Variants in SCARB1 observed in about 807,000 individuals in gnomAD.
The protein encoded by SCARB1 is scavenger receptor class B member 1.
SCARB1 carries 30 observed loss-of-function variants against 57.2 expected under a neutral mutation model. The ratio of observed to expected loss-of-function variants is 0.52; its 90% CI spans 0.39 to 0.71. SCARB1 has a LOEUF of 0.71. Ranked by LOEUF, SCARB1 falls within the 30% of genes least tolerant of loss-of-function variation. SCARB1 has a pLI of 0.00. For missense variants in SCARB1, 543 were observed against 671.2 expected, an observed-to-expected ratio of 0.81 and a Z score of 2.11; for synonymous variants, 249 against 268.3, an observed-to-expected ratio of 0.93 and a Z score of 0.70.
chr12:124,840,137 T>A, intron 1 of SCARB1: 2 of 1,183,064 alleles, frequency 1.7e-6, no homozygotes, highest in South Asian at 1.4e-5. Flanking sequence ...TCCCTAACGA[T>A]GAGCGAGTGT....
rs745812266 is a variant in SCARB1, at chr12:124,814,990, G to A, written c.409C>T (p.Pro137Ser). The change falls in exon 3 of 13, where the codon CCC becomes TCC. Residue 137 changes from proline (P) to serine (S), a missense_variant. By Grantham distance (74) the Pro-to-Ser change is moderately conservative. Transcript: ENST00000261693. This position sits in a 1 kb window ranked among gnomAD's most constrained non-coding sequence, Gnocchi z 4.7. ...HGSESDYIVM[P>S]NILVLGAAVM... is the part of the protein sequence containing the mutation. Reference sequence around the variant, plus strand: ...AGCCTCACCAAGACCAGGATGTTGGGCATGACGATGTAGTCGCTCTCCGAG... The same window carrying A: ...AGCCTCACCAAGACCAGGATGTTGGACATGACGATGTAGTCGCTCTCCGAG... The A allele has an allele frequency of 1.7e-5, 28 of 1,614,194 alleles. No individual in the cohort carries two copies. The highest frequency in any genetic ancestry group is 2.2e-5 in the Non-Finnish European group (26 of 1,180,032).
chr12:124,835,311 T>C (rs1449277057), intron 1 of SCARB1, among the ~76,000 whole-genome samples: 2 of 151,784 alleles, frequency 1.3e-5, no homozygotes, highest in African/African-American at 4.8e-5. Context: ...CTGGCTGGAG[T>C]GCACTGGTGC....
In SCARB1 at chr12:124,778,391, C is replaced by A. The variant is rs1872710880; in HGVS notation, c.*196G>T. On this transcript the variant is annotated 3_prime_UTR_variant, in exon 13 of 13. Transcript: ENST00000261693. ...GCAGCTCCATCCCTGAGTGTCTGCACAAGCCTGCACGCATGTGTGTATGTG... is the reference window on the plus strand; with the variant it reads ...GCAGCTCCATCCCTGAGTGTCTGCAAAAGCCTGCACGCATGTGTGTATGTG... 1.6e-6 allele frequency: 2 copies of A among 1,235,752 alleles called. No homozygotes were observed. The highest frequency in any genetic ancestry group is 7.2e-5 in the South Asian group (2 of 27,866). 76.5% of individuals were successfully genotyped at this position (1,235,752 alleles called of 1,614,324 possible). A position where few individuals can be genotyped will look rare whatever the true frequency, so the allele number is the denominator to read the frequency against.
chr12:124,826,208 A>G (rs1951150660), intron 1 of SCARB1, among the ~76,000 whole-genome samples: 1 of 151,368 alleles, frequency 6.6e-6, no homozygotes, highest in African/African-American at 2.4e-5. Flanking sequence ...GCGCGCACCT[A>G]TGGTCCCAGC....
At chr12:124,827,693 C>A (rs749765411) in intron 1 of SCARB1, among the ~76,000 whole-genome samples, 2 of 152,110 alleles carry the variant, frequency 1.3e-5, no homozygotes, top group African/African-American at 4.8e-5. Context: ...GCCTTTGCAC[C>A]CACTGCTTCC....
Position 124,785,075 on chromosome 12 carries a change from G to A in SCARB1, c.1401+1282C>T, listed in dbSNP as rs1311959238. 3 of 152,280 alleles carry A rather than the reference G, an allele frequency of 2.0e-5. No homozygotes were observed. In the East Asian group the frequency reaches 5.8e-4, roughly 29 times the overall value. 9.4% of individuals were successfully genotyped at this position (152,280 alleles called of 1,614,324 possible). The stretch of plus-strand genomic sequence containing the variant: ...TCTGGAGGTCTGAAGCCCAGGGCTG[G>A]AGCTCTTCCCCACTTCCGTTCCCTC... On this transcript the variant is annotated intron_variant, in intron 11 of 12. Coordinates refer to ENST00000261693, the MANE Select transcript of SCARB1 (RefSeq NM_005505.5).
At chr12:124,815,176 T>G in intron 2 of SCARB1, 62 bp from the exon 3 acceptor site, 1 of 1,581,952 alleles carries the variant, frequency 6.3e-7, no homozygotes, top group Non-Finnish European at 8.6e-7. Context: ...TCCCTTCTAC[T>G]CGCCTGCAAT....
At chr12:124,854,746 G>C (rs374850305) in intron 1 of SCARB1, among the ~76,000 whole-genome samples, 5 of 152,156 alleles carry the variant, frequency 3.3e-5, no homozygotes, top group South Asian at 2.1e-4. Flanking sequence ...CTGGAAGATG[G>C]GGGGGCTATG....
intron 7 of SCARB1, among the ~76,000 whole-genome samples, chr12:124,803,354 G>A (rs1487201796): frequency 6.6e-6 from 1 of 152,182 alleles, no homozygotes; most frequent in African/African-American, 2.4e-5. Flanking sequence ...AGGATCACTT[G>A]AGCCCAGGAC....
chr12:124,847,263 C>T (rs889629011), intron 1 of SCARB1, among the ~76,000 whole-genome samples: 1 of 152,224 alleles, frequency 6.6e-6, no homozygotes, highest in African/African-American at 2.4e-5. Flanking sequence ...GGAAGGAAAT[C>T]CCAAGGACAG....
Position 124,863,678 on chromosome 12 carries a change from C to A in SCARB1, c.43G>T (p.Gly15Cys). Residue 15 changes from glycine (G) to cysteine (C), a missense_variant, in exon 1 of 13, where the codon GGC (glycine) becomes TGC (cysteine). Coordinates refer to ENST00000261693, the MANE Select transcript of SCARB1 (RefSeq NM_005505.5). ...ACAGCGCACAGTAGCCCCGCGACGCCCAGCGCCCCGGCAGCCCAGCGCGCT... is the reference window on the plus strand; with the variant it reads ...ACAGCGCACAGTAGCCCCGCGACGCACAGCGCCCCGGCAGCCCAGCGCGCT... ...AKARWAAGAL[G>C]VAGLLCAVLG... 1 of 1,562,960 alleles carries A rather than the reference C, an allele frequency of 6.4e-7. No individual in the cohort carries two copies. Among genetic ancestry groups the A allele is most frequent in the East Asian group, 2.4e-5 (1 of 40,858 alleles).
At chr12:124,833,322 TG>T (rs1282679921) in intron 1 of SCARB1, among the ~76,000 whole-genome samples, 1 of 151,798 alleles carries the variant, frequency 6.6e-6, no homozygotes. Context: ...CCCACATAAC[TG>T]GGACCACAAG....
At chr12:124,806,816 C>T (rs775873620) in intron 7 of SCARB1, among the ~76,000 whole-genome samples, 2 of 152,128 alleles carry the variant, frequency 1.3e-5, no homozygotes, top group Non-Finnish European at 2.9e-5. Flanking sequence ...GCAGGAAGAT[C>T]GCTTGAGCCC....
rs1407369581 is a variant in SCARB1, at chr12:124,796,404, T to C, written c.1129-1136A>G. Among the ~76,000 whole-genome samples the C allele has an allele frequency of 7.4e-6, 1 of 135,938 alleles. No homozygotes were observed. The highest frequency in any genetic ancestry group is 1.6e-5 in the Non-Finnish European group (1 of 62,860). The allele number at this position is 135,938 out of a possible 152,430, so 89.2% of individuals were successfully genotyped here. ...TATACCCAGCTCTTTTTAACGAGACTTTTTTTTTTAAGTAAATAACCGAAG... is the reference window on the plus strand; with the variant it reads ...TATACCCAGCTCTTTTTAACGAGACCTTTTTTTTTAAGTAAATAACCGAAG... On this transcript the variant is annotated intron_variant, in intron 8 of 12. Transcript: ENST00000261693. The surrounding 1 kb of genome is among the most constrained non-coding windows in gnomAD (Gnocchi z 4.0).
intron 8 of SCARB1, among the ~76,000 whole-genome samples, chr12:124,798,395 A>G (rs142239787): frequency 6.6e-6 from 1 of 150,760 alleles, no homozygotes; most frequent in Non-Finnish European, 1.5e-5. Context: ...TGGGTGACGC[A>G]GCAAGACTCT....
In SCARB1 at chr12:124,814,872, C is replaced by T. The variant is rs888305354; in HGVS notation, c.426+101G>A. 25 of 1,500,712 alleles carry T rather than the reference C, an allele frequency of 1.7e-5. No homozygotes were observed. The highest frequency in any genetic ancestry group is 1.2e-4 in the Admixed American group (7 of 56,282). 93.0% of individuals were successfully genotyped at this position (1,500,712 alleles called of 1,614,324 possible). A position where few individuals can be genotyped will look rare whatever the true frequency, so the allele number is the denominator to read the frequency against. On this transcript the variant is annotated intron_variant, in intron 3 of 12. Transcript: ENST00000261693. The surrounding 1 kb of genome is among the most constrained non-coding windows in gnomAD (Gnocchi z 4.7). ...CCACCAGGCGTGAGTCCCCACGCTC[C>T]GACCACCTCAGGGACTGCTCTCTGC...
chr12:124,811,570 G>A (rs768463647), intron 5 of SCARB1, among the ~76,000 whole-genome samples: 12 of 152,262 alleles, frequency 7.9e-5, no homozygotes, highest in East Asian at 5.8e-4. Context: ...TACCACGCCC[G>A]GCCTTCAAAA....
intron 1 of SCARB1, among the ~76,000 whole-genome samples, chr12:124,848,483 C>T (rs763032388): frequency 6.8e-6 from 1 of 147,728 alleles, no homozygotes; most frequent in Non-Finnish European, 1.5e-5. Context: ...ATCCTCGTGG[C>T]CTTCTTGAGT....
intron 1 of SCARB1, among the ~76,000 whole-genome samples, chr12:124,850,600 G>A (rs1300349869): frequency 6.6e-6 from 1 of 151,870 alleles, no homozygotes; most frequent in African/African-American, 2.4e-5. Context: ...AACCTGGGAG[G>A]CAAAGGTTGC....
Sources: gnomAD v4.1 joint callset for allele counts (sites outside exome capture counted in the v4.1 genomes callset) on GRCh38, gnomAD v4.1.1 for gene constraint, Gnocchi (gnomAD v3.1) non-coding constraint, MANE v1.5 for transcripts, NCBI Gene and HGNC (gene_info 2026-07-23, HGNC 2026-07-21) for gene names.